The following USH2A variants were observed in gnomAD, a reference collection of about 807,000 sequenced individuals.
USH2A encodes Usher syndrome 2A (autosomal recessive, mild).
Under a neutral mutation model 538.9 loss-of-function variants are expected in USH2A, and 443 were observed. The observed-to-expected ratio is 0.82, with a 90% CI of 0.76 to 0.89. The LOEUF (loss-of-function observed/expected upper bound fraction) is 0.89. USH2A is among the 40% of genes least tolerant of loss of function. The pLI, the probability that USH2A is intolerant of heterozygous loss-of-function variation, is 0.00. For synonymous variants in USH2A, 2,413 were observed against 2,273.5 expected (o/e 1.06, Z -1.75); for missense variants, 6,633 against 6,324.8 (o/e 1.05, Z -1.65).
intron 17 of USH2A, 22 bp from the exon 18 acceptor site, chr1:216,198,606 C>G (rs1326684946): frequency 1.2e-6 from 2 of 1,605,674 alleles, no homozygotes; most frequent in East Asian, 2.2e-5. Flanking sequence ...AAATAGTGAA[C>G]CTACGTAACT....
At chr1:216,172,325 A>G (rs531921131) in intron 21 of USH2A, among the ~76,000 whole-genome samples, 7 of 152,184 alleles carry the variant, frequency 4.6e-5, no homozygotes, top group Non-Finnish European at 7.4e-5. Flanking sequence ...TTATCTTTTC[A>G]TATATAAAAT....
In USH2A at chr1:215,786,859, T is replaced by G; in HGVS notation, c.10198A>C (p.Arg3400=). The change falls in exon 52 of 72, where the codon AGG becomes CGG. Residue 3400 remains arginine, a synonymous_variant. Coordinates refer to ENST00000307340, the MANE Select transcript of USH2A (RefSeq NM_206933.4). ...GMMMKETKEC[R]ILCPASMEAT... ...TCCATAGATGCTGGGCAGAGGATCC[T>G]GCACTCTTTGGTTTCCTGAGTCAAG... 1 of 1,613,884 alleles carries G rather than the reference T, an allele frequency of 6.2e-7. No homozygotes were observed.
At position 215,728,215 on chromosome 1, in the gene USH2A, G is replaced by T. The variant is rs759762193; in HGVS notation, c.11881C>A (p.Leu3961Met). Reference sequence around the variant, plus strand: ...GGAAAATCTTGAGGTGGAGCTTCCAGAGTTTGTGTTAATGACCACAGACTC... The same window carrying T: ...GGAAAATCTTGAGGTGGAGCTTCCATAGTTTGTGTTAATGACCACAGACTC... ...VESLWSLTQT[L>M]EAPPQDFPAP... is the part of the protein sequence containing the mutation. Residue 3961 changes from leucine to methionine, a missense_variant, in exon 61 of 72, where the codon CTG becomes ATG. Coordinates refer to ENST00000307340, the MANE Select transcript of USH2A (RefSeq NM_206933.4). 1 of 1,614,176 alleles carries T rather than the reference G, an allele frequency of 6.2e-7. No individual in the cohort carries two copies. The highest frequency in any genetic ancestry group is 8.5e-7 in the Non-Finnish European group (1 of 1,180,036).
At chr1:216,415,377 C>T (rs1005708360) in intron 3 of USH2A, among the ~76,000 whole-genome samples, 8 of 152,018 alleles carry the variant, frequency 5.3e-5, no homozygotes, top group East Asian at 1.9e-4. Flanking sequence ...CTTATAACAA[C>T]GTTTAAGCAA....
intron 61 of USH2A, among the ~76,000 whole-genome samples, chr1:215,712,367 T>C (rs954638496): frequency 3.3e-5 from 5 of 152,222 alleles, no homozygotes; most frequent in Admixed American, 6.5e-5. Context: ...TTCCTGCCTC[T>C]TTTAGCATCT....
chr1:215,954,411 G>T (rs1392409321), intron 37 of USH2A, among the ~76,000 whole-genome samples: 1 of 152,092 alleles, frequency 6.6e-6, no homozygotes, highest in Non-Finnish European at 1.5e-5. Context: ...CATGTACTTT[G>T]TAGGGACATA....
intron 3 of USH2A, among the ~76,000 whole-genome samples, chr1:216,413,556 G>C (rs1230607351): frequency 6.6e-6 from 1 of 152,154 alleles, no homozygotes; most frequent in Admixed American, 6.6e-5. Flanking sequence ...TAAATCAAAA[G>C]AGCATACTTC....
chr1:215,735,265 G>A (rs1296359597), intron 60 of USH2A, among the ~76,000 whole-genome samples: 9 of 152,098 alleles, frequency 5.9e-5, no homozygotes, highest in Admixed American at 5.9e-4. Flanking sequence ...TGTTCCCTCA[G>A]TTCTAAAGGT....
chr1:216,199,879 CA>C lies in USH2A; in HGVS notation c.3558del (p.Cys1186TrpfsTer51), dbSNP rs397518014. The C allele has an allele frequency of 6.2e-6, 10 of 1,614,100 alleles. No homozygotes were observed. Among genetic ancestry groups the C allele is most frequent in the Non-Finnish European group, 8.5e-6 (10 of 1,179,994 alleles). On this transcript the variant is annotated frameshift_variant, in exon 17 of 72. Transcript: ENST00000307340. LOFTEE classifies it high-confidence loss of function. ...CATGGCTGACCACCAGCCAAAGGGG[CA>C]CAGGACAAAATATATTTCTCTATGG... ...SGPIEKYILS[C>X]APLAGGQPCV... is the part of the protein sequence containing the mutation.
intron 13 of USH2A, among the ~76,000 whole-genome samples, chr1:216,234,851 GA>G: frequency 6.6e-6 from 1 of 152,142 alleles, no homozygotes; most frequent in East Asian, 1.9e-4. Context: ...GAATGTCACA[GA>G]AAAATCAGAA....
At chr1:215,854,508 T>C (rs1664103242) in intron 44 of USH2A, among the ~76,000 whole-genome samples, 1 of 152,168 alleles carries the variant, frequency 6.6e-6, no homozygotes, top group Non-Finnish European at 1.5e-5. Context: ...CCATGGTTCA[T>C]CATCTCATGC....
chr1:215,900,079 C>T lies in USH2A; in HGVS notation c.7590G>A (p.Glu2530=). The change falls in exon 40 of 72, where the codon GAG becomes GAA. Residue 2530 remains glutamate (E), a synonymous_variant. Coordinates refer to ENST00000307340, the MANE Select transcript of USH2A (RefSeq NM_206933.4). ...TGTATTGTTCAGACCACTTACTGTC[C>T]TCTGCGGTCATGAATGGAATCCAAG... ...HSSWIPFMTA[E]DKPGPVVPPI... 1 of 1,613,608 alleles carries T rather than the reference C, an allele frequency of 6.2e-7. No homozygotes were observed. Among genetic ancestry groups the T allele is most frequent in the Admixed American group, 1.7e-5 (1 of 59,970 alleles).
At chr1:216,058,786 A>G (rs1323127643) in intron 30 of USH2A, among the ~76,000 whole-genome samples, 1 of 152,232 alleles carries the variant, frequency 6.6e-6, no homozygotes, top group African/African-American at 2.4e-5. Context: ...AAAAATATTA[A>G]CATTAGGTTA....
chr1:215,857,288 C>T (rs910333260), intron 44 of USH2A, among the ~76,000 whole-genome samples: 1 of 152,090 alleles, frequency 6.6e-6, no homozygotes, highest in African/African-American at 2.4e-5. Context: ...AGATAGAAAA[C>T]ATGGAATTAT....
chr1:215,759,736 G>A lies in USH2A; in HGVS notation c.11155C>T (p.Arg3719Cys), dbSNP rs758951363. 1.1e-5 allele frequency: 17 copies of A among 1,613,862 alleles called. No individual in the cohort carries two copies. Among genetic ancestry groups the A allele is most frequent in the Middle Eastern group, 3.3e-4 (2 of 6,082 alleles). The change falls in exon 57 of 72, where the codon CGT (arginine) becomes TGT (cysteine). Residue 3719 changes from arginine to cysteine, a missense_variant. Physicochemically the swap from Arg to Cys is radical, Grantham distance 180 (BLOSUM62 -3). Transcript: ENST00000307340. ...NGLVSQYQLS[R>C]NGNLLFLGGS... Reference sequence around the variant, plus strand: ...CCCAGGAAAAGCAAGTTTCCATTACGACTCAATTGATATTGAGAAACGAGG... The same window carrying A: ...CCCAGGAAAAGCAAGTTTCCATTACAACTCAATTGATATTGAGAAACGAGG...
rs556654501 is a variant in USH2A, at chr1:216,346,682, G to A, written c.784+18271C>T. On this transcript the variant is annotated intron_variant, in intron 4 of 71. Coordinates refer to ENST00000307340, the MANE Select transcript of USH2A (RefSeq NM_206933.4). ...TCCCTCTTTTTGGGATCCAGAATCT[G>A]CTATTAAAATGGAACCCTTAATTCC... Among the ~76,000 whole-genome samples the A allele has an allele frequency of 9.3e-4, 141 of 151,500 alleles. 1 individual carries two copies. Among genetic ancestry groups the A allele is most frequent in the African/African-American group, 3.2e-3 (134 of 41,292 alleles).
chr1:216,053,153 C>T (rs546008056), intron 30 of USH2A, among the ~76,000 whole-genome samples: 4 of 152,230 alleles, frequency 2.6e-5, no homozygotes, highest in South Asian at 2.1e-4. Context: ...TGTTTGCATA[C>T]GGGCCAAGTA....
chr1:216,174,708 T>C lies in USH2A; in HGVS notation c.4627+544A>G, dbSNP rs183090299. 5 of 987,564 alleles carry C rather than the reference T, an allele frequency of 5.1e-6. No homozygotes were observed. In the African/African-American group the frequency reaches 8.7e-5, roughly 17 times the overall value. The allele number at this position is 987,564 out of a possible 1,614,324, so 61.2% of individuals were successfully genotyped here. On this transcript the variant is annotated intron_variant, in intron 21 of 71. Coordinates refer to ENST00000307340, the MANE Select transcript of USH2A (RefSeq NM_206933.4). ...TCCCTGGGATTAGTTTTCCCCACAA[T>C]GTTCTTCATAGAACATGAGATATTA... is the stretch of plus-strand genomic sequence containing the variant.
intron 4 of USH2A, among the ~76,000 whole-genome samples, chr1:216,354,801 G>T (rs1453335995): frequency 6.6e-6 from 1 of 151,538 alleles, no homozygotes; most frequent in Non-Finnish European, 1.5e-5. Context: ...TCTTATTACA[G>T]AAGAAAGAAA....
Sources: allele counts gnomAD v4.1 joint callset (sites outside exome capture counted in the v4.1 genomes callset), GRCh38; gene constraint gnomAD v4.1.1; transcripts MANE v1.5; gene names NCBI Gene and HGNC (gene_info 2026-07-23, HGNC 2026-07-21).